The following ZBTB41 variants were observed in gnomAD, a reference collection of about 807,000 sequenced individuals.
ZBTB41 encodes the protein zinc finger and BTB domain-containing protein 41.
Under a neutral mutation model 87.6 loss-of-function variants are expected in ZBTB41, and 42 were observed. The ratio of observed to expected loss-of-function variants is 0.48; its 90% CI spans 0.37 to 0.62. The LOEUF is 0.62. Among genes scored for constraint, ZBTB41 ranks in the 20% least tolerant of loss-of-function variants. The pLI is 0.00. For missense variants in ZBTB41, 799 were observed against 1,078.9 expected (o/e 0.74, Z 3.63); for synonymous variants, 364 against 364.0 (o/e 1.00, Z 0.00).
chr1:197,170,602 T>A (rs1659455754), intron 10 of ZBTB41, among the ~76,000 whole-genome samples: 1 of 152,108 alleles, frequency 6.6e-6, no homozygotes, highest in Non-Finnish European at 1.5e-5. Context: ...AACCTATAAA[T>A]CTCAAAAATG....
Position 197,176,563 on chromosome 1 carries a change from C to T in ZBTB41, c.1879+1G>A, listed in dbSNP as rs1213658702. 2 of 1,604,728 alleles carry T rather than the reference C, an allele frequency of 1.2e-6. No individual in the cohort carries two copies. Among genetic ancestry groups the T allele is most frequent in the Non-Finnish European group, 1.7e-6 (2 of 1,173,556 alleles). On this transcript the variant is annotated splice_donor_variant, in intron 8 of 10. Transcript: ENST00000367405. LOFTEE classifies it high-confidence loss of function. ...AACTAGCATTACAAAATATGGTATA[C>T]CTGAATGTATTTTTTTGTGCTTTGT...
At chr1:197,201,144 G>A (rs1387885350) in intron 1 of ZBTB41, among the ~76,000 whole-genome samples, 79 bp downstream of exon 1, 5 of 152,220 alleles carry the variant, frequency 3.3e-5, no homozygotes, top group African/African-American at 1.2e-4. Context: ...CGGGCAAGGC[G>A]GAGAATGCGC....
In ZBTB41 at chr1:197,153,881, T is replaced by C. The variant is rs1242114926; in HGVS notation, c.*5478A>G. The C allele has an allele frequency of 6.6e-6, 1 of 152,196 alleles. No homozygotes were observed. Among genetic ancestry groups the C allele is most frequent in the Non-Finnish European group, 1.5e-5 (1 of 68,014 alleles). The allele number at this position is 152,196 out of a possible 1,614,324, so 9.4% of individuals were successfully genotyped here. ...CACAGTTCACAATAATTAATTCTGATATTTTAGATTTTTCTGTCATTGCTT... is the reference window on the plus strand; with the variant it reads ...CACAGTTCACAATAATTAATTCTGACATTTTAGATTTTTCTGTCATTGCTT... On this transcript the variant is annotated 3_prime_UTR_variant, in exon 11 of 11. Coordinates refer to ENST00000367405, the MANE Select transcript of ZBTB41 (RefSeq NM_194314.3).
At chr1:197,198,102 TTTG>T (rs1457741317) in intron 2 of ZBTB41, among the ~76,000 whole-genome samples, 1 of 152,238 alleles carries the variant, frequency 6.6e-6, no homozygotes, top group African/African-American at 2.4e-5. Flanking sequence ...CTTCACAGTA[TTTG>T]TTTACAGTTC....
chr1:197,196,199 A>G (rs1660157670), intron 2 of ZBTB41, among the ~76,000 whole-genome samples: 1 of 152,202 alleles, frequency 6.6e-6, no homozygotes, highest in Non-Finnish European at 1.5e-5. Flanking sequence ...GCATTTTAAA[A>G]TTCTACGAAA....
chr1:197,162,968 T>C (rs901861324), intron 10 of ZBTB41, among the ~76,000 whole-genome samples: 1 of 152,104 alleles, frequency 6.6e-6, no homozygotes, highest in East Asian at 1.9e-4. Context: ...AAAAGAAACA[T>C]TTGCTGGGTG....
Position 197,197,704 on chromosome 1 carries a change from CA to C in ZBTB41, c.1120+1649del, listed in dbSNP as rs148343872. 5.4e-3 allele frequency among the ~76,000 whole-genome samples: 828 copies of C among 152,192 alleles called. 10 individuals carry two copies. Among genetic ancestry groups the C allele is most frequent in the African/African-American group, 0.019 (793 of 41,526 alleles). Reference sequence around the variant, plus strand: ...GAAAACTCTAGTTTCCTAGGATGCTCAAAGAAGTACCTCCAAAGTATCTTGC... The same window carrying C: ...GAAAACTCTAGTTTCCTAGGATGCTCAAGAAGTACCTCCAAAGTATCTTGC... On this transcript the variant is annotated intron_variant, in intron 2 of 10. Coordinates refer to ENST00000367405, the MANE Select transcript of ZBTB41 (RefSeq NM_194314.3).
At chr1:197,163,978 G>A (rs1042043456) in intron 10 of ZBTB41, among the ~76,000 whole-genome samples, 2 of 151,998 alleles carry the variant, frequency 1.3e-5, no homozygotes, top group Admixed American at 1.3e-4. Context: ...TAAGGAAAAT[G>A]ACTCCAGGTG....
At chr1:197,160,641 G>C (rs1659179524) in intron 10 of ZBTB41, among the ~76,000 whole-genome samples, 2 of 152,070 alleles carry the variant, frequency 1.3e-5, no homozygotes, top group African/African-American at 4.8e-5. Context: ...CTGTAGTTTT[G>C]TTTTGTTTTG....
chr1:197,179,469 T>C (rs7554802), intron 6 of ZBTB41, among the ~76,000 whole-genome samples: 116,642 of 152,094 alleles, frequency 0.77, 48,472 homozygotes, highest in East Asian at 0.98. Flanking sequence ...ATGTTACTGG[T>C]ATGTATTTAC....
At chr1:197,164,416 G>T (rs1466343752) in intron 10 of ZBTB41, among the ~76,000 whole-genome samples, 6 of 151,350 alleles carry the variant, frequency 4.0e-5, no homozygotes, top group Non-Finnish European at 2.9e-5. Context: ...CCAAATAAGT[G>T]AGAAATCACA....
Position 197,159,288 on chromosome 1 carries a change from C to A in ZBTB41, c.*71G>T. ...AGAAAACAAGAAAATAGCAGCCCCA[C>A]AAATTTAAAAGCTATCATCTCTACC... On this transcript the variant is annotated 3_prime_UTR_variant, in exon 11 of 11. Coordinates refer to ENST00000367405, the MANE Select transcript of ZBTB41 (RefSeq NM_194314.3). 16 of 1,479,390 alleles carry A rather than the reference C, an allele frequency of 1.1e-5. No individual in the cohort carries two copies. The highest frequency in any genetic ancestry group is 1.5e-5 in the Non-Finnish European group (16 of 1,085,060). The allele number at this position is 1,479,390 out of a possible 1,614,324, so 91.6% of individuals were successfully genotyped here. A position where few individuals can be genotyped will look rare whatever the true frequency, so the allele number is the denominator to read the frequency against.
chr1:197,159,742 G>T lies in ZBTB41; in HGVS notation c.2347C>A (p.Gln783Lys). The T allele has an allele frequency of 6.2e-7, 1 of 1,613,946 alleles. No homozygotes were observed. Among genetic ancestry groups the T allele is most frequent in the Non-Finnish European group, 8.5e-7 (1 of 1,179,904 alleles). Residue 783 changes from glutamine (Q) to lysine (K), a missense_variant, in exon 11 of 11, where the codon CAA (glutamine) becomes AAA (lysine). Gln to Lys is a moderately conservative substitution (Grantham distance 53, BLOSUM62 1). Around this residue, in one of 5 missense-constraint regions of ZBTB41, gnomAD observed 171 missense variants for 191.9 expected, o/e 0.89. Coordinates refer to ENST00000367405, the MANE Select transcript of ZBTB41 (RefSeq NM_194314.3). ...TAAACTTTGGGCTGGTCCATATATTGTTTTGTTTCTGTTTGAAAGATTTTG... is the reference window on the plus strand; with the variant it reads ...TAAACTTTGGGCTGGTCCATATATTTTTTTGTTTCTGTTTGAAAGATTTTG... The part of the protein sequence containing the change: ...DDKIFQTETK[Q>K]YMDQPKVYQS...
chr1:197,174,905 A>G lies in ZBTB41; in HGVS notation c.1985+105T>C, dbSNP rs1659565411. 8.2e-6 allele frequency: 6 copies of G among 735,744 alleles called. No homozygotes were observed. In the East Asian group the frequency reaches 1.6e-4, roughly 20 times the overall value. The allele number at this position is 735,744 out of a possible 1,614,324, so 45.6% of individuals were successfully genotyped here. ...ATGCTACAGAATGTAGAGAAAGAGA[A>G]CTGGTTAACCTAACTTCAATTAAAC... On this transcript the variant is annotated intron_variant, in intron 9 of 10. Coordinates refer to ENST00000367405, the MANE Select transcript of ZBTB41 (RefSeq NM_194314.3).
At chr1:197,192,250 T>C (rs150803806) in intron 2 of ZBTB41, among the ~76,000 whole-genome samples, 3 of 152,322 alleles carry the variant, frequency 2.0e-5, no homozygotes, top group Admixed American at 2.0e-4. Context: ...AAATTAACTT[T>C]TAGCAAAAGA....
At position 197,199,596 on chromosome 1, in the gene ZBTB41, T is replaced by C; in HGVS notation, c.878A>G (p.Asn293Ser). ...TTCACTTCCAGGGTCCTCAGAATCA[T>C]TTCTATCTGACTTTTCCTTATCAAA... ...ENFDKEKSDRNDSEDPGSEYN... is the reference protein window; with the variant it reads ...ENFDKEKSDRSDSEDPGSEYN... The change falls in exon 2 of 11, where the codon AAT becomes AGT. Residue 293 changes from asparagine to serine, a missense_variant. By Grantham distance (46) the Asn-to-Ser change is conservative. Around this residue, in one of 5 missense-constraint regions of ZBTB41, gnomAD observed 294 missense variants for 340.1 expected, o/e 0.86. Coordinates refer to ENST00000367405, the MANE Select transcript of ZBTB41 (RefSeq NM_194314.3). 6.2e-7 allele frequency: 1 copy of C among 1,609,480 alleles called. No homozygotes were observed. Among genetic ancestry groups the C allele is most frequent in the Non-Finnish European group, 8.5e-7 (1 of 1,178,826 alleles).
rs890866323 is a variant in ZBTB41, at chr1:197,185,113, C to G, written c.1546+3179G>C. ...ACAGGCGTGAGTCACCGCACACAGC[C>G]TAACTTTGTATTTATTCTTAATTAA... On this transcript the variant is annotated intron_variant, in intron 5 of 10. Transcript: ENST00000367405. Among the ~76,000 whole-genome samples the G allele has an allele frequency of 2.6e-5, 4 of 152,198 alleles. No individual in the cohort carries two copies. In the East Asian group the frequency reaches 7.7e-4, roughly 29 times the overall value.
At position 197,176,628 on chromosome 1, in the gene ZBTB41, G is replaced by A. The variant is rs140531073; in HGVS notation, c.1815C>T (p.Cys605=). The part of the protein sequence containing the change: ...RVHHDDKRYE[C]DECGKTFIRH... ...GGATAAATGTTTTTCCACATTCATC[G>A]CACTCATATCTTTTATCATCATGAT... Residue 605 remains cysteine (C), a synonymous_variant, in exon 8 of 11, where the codon TGC becomes TGT. Coordinates refer to ENST00000367405, the MANE Select transcript of ZBTB41 (RefSeq NM_194314.3). 2.6e-5 allele frequency: 42 copies of A among 1,611,390 alleles called. No individual in the cohort carries two copies. Among genetic ancestry groups the A allele is most frequent in the Non-Finnish European group, 3.0e-5 (35 of 1,178,822 alleles).
rs957569724 is a variant in ZBTB41 at position 197,158,375 on chromosome 1, C to A, written c.*984G>T. 6.6e-6 allele frequency: 1 copy of A among 152,296 alleles called. No homozygotes were observed. Among genetic ancestry groups the A allele is most frequent in the Admixed American group, 6.6e-5 (1 of 15,232 alleles). 9.4% of individuals were successfully genotyped at this position (152,296 alleles called of 1,614,324 possible). A position where few individuals can be genotyped will look rare whatever the true frequency, so the allele number is the denominator to read the frequency against. The stretch of plus-strand genomic sequence containing the variant: ...ACAAATTTCATAATCTGTTTGGCAC[C>A]TTTTCTAACAATTGAACACAAAATA... On this transcript the variant is annotated 3_prime_UTR_variant, in exon 11 of 11. Transcript: ENST00000367405.
Sources: gnomAD v4.1 joint callset for allele counts (sites outside exome capture counted in the v4.1 genomes callset) on GRCh38, gnomAD v4.1.1 for gene constraint, gnomAD v4.1.1 regional missense constraint, MANE v1.5 for transcripts, NCBI Gene and HGNC (gene_info 2026-07-23, HGNC 2026-07-21) for gene names.